Variants in ASCC3 observed in about 807,000 individuals in gnomAD.
ASCC3 encodes activating signal cointegrator 1 complex subunit 3, also known as ASC-1 complex subunit P200.
ASCC3 carries 158 observed loss-of-function variants against 256.3 expected under a neutral mutation model. The ratio of observed to expected loss-of-function variants is 0.62; its 90% CI spans 0.54 to 0.70. ASCC3 has a LOEUF of 0.70. ASCC3 is among the 30% of genes least tolerant of loss of function. The pLI is 0.00. For synonymous variants in ASCC3, 948 were observed against 883.4 expected, an observed-to-expected ratio of 1.07 and a Z score of -1.30; for missense variants, 2,259 against 2,626.0, an observed-to-expected ratio of 0.86 and a Z score of 3.05.
intron 8 of ASCC3, among the ~76,000 whole-genome samples, chr6:100,778,006 A>C (rs939911519): frequency 5.9e-5 from 9 of 152,050 alleles, no homozygotes; most frequent in African/African-American, 1.9e-4. Context: ...TTTATACTGG[A>C]GTGTCAGCAG....
intron 4 of ASCC3, among the ~76,000 whole-genome samples, chr6:100,806,233 C>G (rs923455576): frequency 6.6e-6 from 1 of 151,838 alleles, no homozygotes; most frequent in Non-Finnish European, 1.5e-5. Flanking sequence ...CAAATAGAGT[C>G]CAGAGTACTA....
rs1189756820 is a variant in ASCC3, at chr6:100,841,388, T to C, written c.801+6760A>G. 4.0e-5 allele frequency among the ~76,000 whole-genome samples: 6 copies of C among 151,880 alleles called. No individual in the cohort carries two copies. The East Asian group carries it at 1.2e-3, about 29-fold the overall frequency. ...TCAGATGAAGGCAAAAGTCCCCAAT[T>C]TGAAAAAAGAAAAGATAAAAGTCAT... On this transcript the variant is annotated intron_variant, in intron 4 of 41. Transcript: ENST00000369162.
At chr6:100,540,878 G>C (rs1775423579) in intron 36 of ASCC3, among the ~76,000 whole-genome samples, 1 of 152,020 alleles carries the variant, frequency 6.6e-6, no homozygotes, top group South Asian at 2.1e-4. Context: ...CTGGAGAAAG[G>C]GGCAAGGATA....
At chr6:100,679,803 G>T in intron 13 of ASCC3, 51 bp from the exon 14 acceptor site, 1 of 1,567,764 alleles carries the variant, frequency 6.4e-7, no homozygotes, top group South Asian at 1.1e-5. Flanking sequence ...TTAAATTACA[G>T]CTTAATAGTA....
At chr6:100,715,175 C>T (rs1231095923) in intron 13 of ASCC3, 3 of 242,882 alleles carry the variant, frequency 1.2e-5, no homozygotes, top group African/African-American at 4.6e-5. Flanking sequence ...ATATATATTA[C>T]ATTTCAATTG....
Position 100,775,958 on chromosome 6 carries a change from T to A in ASCC3, c.1396-8613A>T, listed in dbSNP as rs559579105. On this transcript the variant is annotated intron_variant, in intron 8 of 41. Coordinates refer to ENST00000369162, the MANE Select transcript of ASCC3 (RefSeq NM_006828.4). The stretch of plus-strand genomic sequence containing the variant: ...CCATTATGCATAGATTTCTTATATT[T>A]GAATAATATTCAAATTATATTAACA... Among the ~76,000 whole-genome samples the A allele has an allele frequency of 2.0e-5, 3 of 152,138 alleles. No individual in the cohort carries two copies. In the South Asian group the frequency reaches 6.2e-4, roughly 32 times the overall value.
intron 1 of ASCC3, among the ~76,000 whole-genome samples, chr6:100,870,288 T>A (rs2114561409): frequency 6.6e-6 from 1 of 151,468 alleles, no homozygotes; most frequent in South Asian, 2.1e-4. Flanking sequence ...CGCTTGAACC[T>A]GGGAGGCAGA....
intron 13 of ASCC3, among the ~76,000 whole-genome samples, chr6:100,688,264 T>G (rs887752388): frequency 2.1e-4 from 21 of 100,882 alleles, no homozygotes; most frequent in African/African-American, 8.1e-4. Context: ...GTGGTGGAGT[T>G]ATTAAAAAAA....
chr6:100,607,792 G>A (rs865927477), intron 30 of ASCC3, among the ~76,000 whole-genome samples: 1 of 151,306 alleles, frequency 6.6e-6, no homozygotes, highest in Non-Finnish European at 1.5e-5. Flanking sequence ...ATGTTACTAT[G>A]TTCTCAAAAC....
intron 4 of ASCC3, among the ~76,000 whole-genome samples, chr6:100,810,165 T>C (rs532174272): frequency 5.1e-4 from 78 of 152,226 alleles, no homozygotes; most frequent in African/African-American, 1.9e-3. Flanking sequence ...TATCATTGAA[T>C]GACACCAATC....
At chr6:100,529,380 G>C (rs1480443563) in intron 37 of ASCC3, among the ~76,000 whole-genome samples, 1 of 152,076 alleles carries the variant, frequency 6.6e-6, no homozygotes, top group African/African-American at 2.4e-5. Flanking sequence ...AAAAACTTGA[G>C]AAGATGCATA....
At chr6:100,615,561 A>G (rs1182734491) in intron 30 of ASCC3, among the ~76,000 whole-genome samples, 2 of 152,206 alleles carry the variant, frequency 1.3e-5, no homozygotes, top group African/African-American at 4.8e-5. Flanking sequence ...TCATGATAAA[A>G]TGTGATAATA....
At chr6:100,702,210 G>A (rs1238868735) in intron 13 of ASCC3, among the ~76,000 whole-genome samples, 1 of 152,146 alleles carries the variant, frequency 6.6e-6, no homozygotes, top group Non-Finnish European at 1.5e-5. Flanking sequence ...GTGGCAGAAA[G>A]AGGAGGGAAT....
chr6:100,714,155 A>G (rs1014843191), intron 13 of ASCC3, among the ~76,000 whole-genome samples: 2 of 152,178 alleles, frequency 1.3e-5, no homozygotes, highest in Non-Finnish European at 1.5e-5. Flanking sequence ...CTTTCATGCT[A>G]AATAGCAAAG....
At chr6:100,757,323 A>G (rs1177410484) in intron 10 of ASCC3, among the ~76,000 whole-genome samples, 2 of 152,090 alleles carry the variant, frequency 1.3e-5, no homozygotes, top group African/African-American at 4.8e-5. Context: ...CAACACTAGA[A>G]TTGAGAATAT....
chr6:100,726,454 TAA>T (rs1270205788), intron 10 of ASCC3, among the ~76,000 whole-genome samples: 3 of 151,956 alleles, frequency 2.0e-5, no homozygotes, highest in Non-Finnish European at 4.4e-5. Context: ...TAACAAATTA[TAA>T]AATCAAAATT....
chr6:100,647,515 C>T (rs77400562), intron 20 of ASCC3, 64 bp from the exon 21 acceptor site: 30,513 of 1,409,936 alleles, frequency 0.022, 412 homozygotes, highest in African/African-American at 0.054. Context: ...GTCAATAAAT[C>T]TATTATTCAA....
At chr6:100,581,981 C>T (rs1270462757) in intron 36 of ASCC3, among the ~76,000 whole-genome samples, 5 of 152,138 alleles carry the variant, frequency 3.3e-5, no homozygotes, top group Non-Finnish European at 7.3e-5. Flanking sequence ...GTTTTGGTTA[C>T]TGTAGCCTTG....
At chr6:100,795,651 A>C (rs1480803805) in intron 8 of ASCC3, among the ~76,000 whole-genome samples, 2 of 152,148 alleles carry the variant, frequency 1.3e-5, no homozygotes, top group African/African-American at 4.8e-5. Context: ...AATGACATTA[A>C]TGGTATTTTT....
Sources: allele counts gnomAD v4.1 joint callset (sites outside exome capture counted in the v4.1 genomes callset), GRCh38; gene constraint gnomAD v4.1.1; transcripts MANE v1.5; gene names NCBI Gene and HGNC (gene_info 2026-07-23, HGNC 2026-07-21).